The following DNAH11 variants were observed in gnomAD, a reference collection of about 807,000 sequenced individuals.
The protein encoded by DNAH11 is dynein axonemal heavy chain 11, also known as axonemal beta dynein heavy chain 11.
A neutral mutation model predicts 526.0 loss-of-function variants in DNAH11; 442 were observed. That is an observed-to-expected ratio of 0.84 (90% CI 0.78 to 0.91). DNAH11 has a LOEUF of 0.91. DNAH11 is among the 40% of genes least tolerant of loss of function. DNAH11 has a pLI of 0.00. For missense variants in DNAH11, 6,989 were observed against 5,448.7 expected (o/e 1.28, Z -8.90); for synonymous variants, 2,461 against 1,935.9 (o/e 1.27, Z -7.12).
At chr7:21,746,136 C>T (rs963420318) in intron 51 of DNAH11, among the ~76,000 whole-genome samples, 1 of 152,264 alleles carries the variant, frequency 6.6e-6, no homozygotes, top group South Asian at 2.1e-4. Context: ...TTCATTGTGT[C>T]TGGGCTAAAC....
At chr7:21,646,604 G>A (rs1337878651) in intron 28 of DNAH11, among the ~76,000 whole-genome samples, 1 of 152,162 alleles carries the variant, frequency 6.6e-6, no homozygotes, top group African/African-American at 2.4e-5. Flanking sequence ...TACATGTGAG[G>A]AAACTACCCA....
At chr7:21,824,252 T>C (rs963648868) in intron 65 of DNAH11, among the ~76,000 whole-genome samples, 3 of 152,096 alleles carry the variant, frequency 2.0e-5, no homozygotes, top group Admixed American at 1.3e-4. Context: ...GCATAATAAA[T>C]TAGACATGTA....
chr7:21,753,815 A>G (rs1298482662), intron 54 of DNAH11, among the ~76,000 whole-genome samples: 3 of 152,214 alleles, frequency 2.0e-5, no homozygotes, highest in Non-Finnish European at 4.4e-5. Context: ...GATAAGGATT[A>G]GCATCATTTT....
chr7:21,854,386 A>G lies in DNAH11; in HGVS notation c.11133A>G (p.Arg3711=), dbSNP rs764824731. The G allele has an allele frequency of 6.2e-7, 1 of 1,613,890 alleles. No homozygotes were observed. Among genetic ancestry groups the G allele is most frequent in the South Asian group, 1.1e-5 (1 of 91,068 alleles). Residue 3711 remains arginine (R), a synonymous_variant, in exon 68 of 82, where the codon AGA becomes AGG. Transcript: ENST00000409508. ...ARECYRPVAA[R]ASLLYFVIND... ...AATGTTACAGACCAGTGGCAGCAAG[A>G]GCATCTCTTCTTTATTTTGTTATTA...
At chr7:21,681,494 A>C (rs1188919022) in intron 30 of DNAH11, 52 bp from the exon 31 acceptor site, 10 of 1,571,178 alleles carry the variant, frequency 6.4e-6, no homozygotes, top group Non-Finnish European at 8.7e-6. Flanking sequence ...TGGGGCTCTT[A>C]AATTCTGTAT....
At chr7:21,693,941 G>T (rs1274543576) in intron 35 of DNAH11, among the ~76,000 whole-genome samples, 1 of 152,186 alleles carries the variant, frequency 6.6e-6, no homozygotes, top group Non-Finnish European at 1.5e-5. Context: ...GGTGGACCAG[G>T]AGAGAGAACA....
rs772230481 is a variant in DNAH11 at position 21,786,776 on chromosome 7, C to A, written c.9741+9C>A. 1 of 1,613,436 alleles carries A rather than the reference C, an allele frequency of 6.2e-7. No homozygotes were observed. The highest frequency in any genetic ancestry group is 2.2e-5 in the East Asian group (1 of 44,866). ...AAGTCTTCATGGGAAAGGTATCAGC[C>A]CAGCCTGGCAAGATGAAAATCCTGA... On this transcript the variant is annotated intron_variant, in intron 59 of 81. Coordinates refer to ENST00000409508, the MANE Select transcript of DNAH11 (RefSeq NM_001277115.2).
intron 42 of DNAH11, among the ~76,000 whole-genome samples, chr7:21,712,355 T>C (rs2190426): frequency 0.44 from 67,216 of 152,066 alleles, 16,831 homozygotes; most frequent in African/African-American, 0.68. Context: ...TATACAAATA[T>C]CTCTTCAAGA....
chr7:21,738,563 C>T lies in DNAH11; in HGVS notation c.7646-138C>T, dbSNP rs1785721418. The T allele has an allele frequency of 5.0e-6, 4 of 797,432 alleles. No homozygotes were observed. In the East Asian group the frequency reaches 1.1e-4, roughly 22 times the overall value. The allele number at this position is 797,432 out of a possible 1,614,324, so 49.4% of individuals were successfully genotyped here. A position where few individuals can be genotyped will look rare whatever the true frequency, so the allele number is the denominator to read the frequency against. On this transcript the variant is annotated intron_variant, in intron 46 of 81. Transcript: ENST00000409508. ...GAGGGGCCAGAGACACATCCCGGGT[C>T]TCTTAACCTATGAAGGGGCGATACC...
intron 62 of DNAH11, among the ~76,000 whole-genome samples, chr7:21,805,797 T>C (rs1410199810): frequency 6.6e-6 from 1 of 152,164 alleles, no homozygotes; most frequent in South Asian, 2.1e-4. Flanking sequence ...AGGAAAAATA[T>C]ATATTTTTAA....
intron 58 of DNAH11, 145 bp from the exon 59 acceptor site, chr7:21,786,479 C>T: frequency 1.1e-6 from 1 of 944,270 alleles, no homozygotes; most frequent in Non-Finnish European, 1.5e-6. Context: ...AGGTGGAGTC[C>T]CCAGGTGGCA....
At chr7:21,806,176 T>C (rs7811898) in intron 62 of DNAH11, among the ~76,000 whole-genome samples, 24,241 of 152,218 alleles carry the variant, frequency 0.16, 1,986 homozygotes, top group African/African-American at 0.2. Flanking sequence ...GCATGGATAC[T>C]ATAGCAAAAT....
chr7:21,577,525 A>G (rs1437018492), intron 8 of DNAH11, among the ~76,000 whole-genome samples: 1 of 152,116 alleles, frequency 6.6e-6, no homozygotes, highest in Non-Finnish European at 1.5e-5. Flanking sequence ...CCTGATGGAG[A>G]GTCCAGACTA....
intron 45 of DNAH11, among the ~76,000 whole-genome samples, chr7:21,734,099 T>C (rs1385957251): frequency 1.3e-5 from 2 of 152,172 alleles, no homozygotes; most frequent in African/African-American, 4.8e-5. Context: ...TATGTGTAGA[T>C]AAAAGAGAGG....
chr7:21,675,585 C>T (rs1386114195), intron 30 of DNAH11, among the ~76,000 whole-genome samples: 1 of 152,156 alleles, frequency 6.6e-6, no homozygotes, highest in Non-Finnish European at 1.5e-5. Context: ...AAACAAGAAC[C>T]ACATTTGTCA....
At chr7:21,802,908 G>A (rs7804316) in intron 62 of DNAH11, among the ~76,000 whole-genome samples, 59,328 of 150,572 alleles carry the variant, frequency 0.39, 12,484 homozygotes, top group East Asian at 0.81. Context: ...ATGTACTAAA[G>A]TTAGCTAGAG....
At position 21,683,828 on chromosome 7, in the gene DNAH11, C is replaced by T. The variant is rs368778303; in HGVS notation, c.5505C>T (p.His1835=). 1.2e-6 allele frequency: 2 copies of T among 1,612,654 alleles called. No individual in the cohort carries two copies. Among genetic ancestry groups the T allele is most frequent in the South Asian group, 2.2e-5 (2 of 90,752 alleles). The change falls in exon 32 of 82, where the codon CAC becomes CAT. Residue 1835 remains histidine, a synonymous_variant. Transcript: ENST00000409508. ...QAFTWLSQLR[H]RWEDTQKHCF... ...TTACATGGCTGTCTCAACTTCGTCACCGATGGGAGGATACCCAGAAACACT... is the reference window on the plus strand; with the variant it reads ...TTACATGGCTGTCTCAACTTCGTCATCGATGGGAGGATACCCAGAAACACT...
chr7:21,730,386 C>T (rs1159588753), intron 45 of DNAH11, among the ~76,000 whole-genome samples: 1 of 152,222 alleles, frequency 6.6e-6, no homozygotes, highest in East Asian at 1.9e-4. Context: ...GAATAGTTTG[C>T]ATTTCAGATT....
At chr7:21,717,649 CG>C in intron 42 of DNAH11, 125 bp from the exon 43 acceptor site, 1 of 1,086,666 alleles carries the variant, frequency 9.2e-7, no homozygotes, top group East Asian at 2.6e-5. Context: ...AAAAATAGAA[CG>C]AACTCACTAA....
Sources: allele counts gnomAD v4.1 joint callset (sites outside exome capture counted in the v4.1 genomes callset), GRCh38; gene constraint gnomAD v4.1.1; transcripts MANE v1.5; gene names NCBI Gene and HGNC (gene_info 2026-07-23, HGNC 2026-07-21).